Variants in ARHGAP11A observed in about 807,000 individuals in gnomAD.
The protein encoded by ARHGAP11A is rho GTPase-activating protein 11A.
A neutral mutation model predicts 60.5 loss-of-function variants in ARHGAP11A; 36 were observed. The observed-to-expected ratio is 0.59, with a 90% CI of 0.46 to 0.79. The LOEUF (loss-of-function observed/expected upper bound fraction) is 0.79, where lower values mean the gene tolerates loss of function less well. Ranked by LOEUF, ARHGAP11A falls within the 30% of genes least tolerant of loss-of-function variation. ARHGAP11A has a pLI of 0.00. For missense variants in ARHGAP11A, 1,071 were observed against 1,199.2 expected, an observed-to-expected ratio of 0.89 and a Z score of 1.58; for synonymous variants, 362 against 415.5, an observed-to-expected ratio of 0.87 and a Z score of 1.57.
intron 1 of ARHGAP11A, among the ~76,000 whole-genome samples, chr15:32,618,531 TATTTA>T (rs1268577726): frequency 6.6e-6 from 1 of 152,268 alleles, no homozygotes; most frequent in Non-Finnish European, 1.5e-5. Flanking sequence ...TGTTTTAATT[TATTTA>T]ATTCTTCCTA....
Position 32,633,009 on chromosome 15 carries a change from CT to C in ARHGAP11A, c.1137del (p.Gln380ArgfsTer14), listed in dbSNP as rs2053619219. On this transcript the variant is annotated frameshift_variant, in exon 9 of 12. Coordinates refer to ENST00000361627, the MANE Select transcript of ARHGAP11A (RefSeq NM_014783.6). LOFTEE classifies it high-confidence loss of function. ...ATCGATACAAGCTCAGAAGGGTCAT[CT>C]CAGAGTTCACTCTCTCCTGTACTCA... is the stretch of plus-strand genomic sequence containing the variant. ...VHIDTSSEGS[S>X]QSSLSPVLIG... The C allele has an allele frequency of 6.2e-7, 1 of 1,613,912 alleles. No homozygotes were observed. The highest frequency in any genetic ancestry group is 8.5e-7 in the Non-Finnish European group (1 of 1,179,838).
chr15:32,635,774 C>G lies in ARHGAP11A; in HGVS notation c.1345-3C>G. The G allele has an allele frequency of 6.4e-7, 1 of 1,565,448 alleles. No individual in the cohort carries two copies. The highest frequency in any genetic ancestry group is 8.6e-7 in the Non-Finnish European group (1 of 1,159,248). ...TAACTAAAACTTTTTTTTTTCTGTA[C>G]AGAATGGATGTTCTGGTGTCAATAG... On this transcript the variant is annotated splice_region_variant and splice_polypyrimidine_tract_variant and intron_variant, in intron 10 of 11. Coordinates refer to ENST00000361627, the MANE Select transcript of ARHGAP11A (RefSeq NM_014783.6).
At position 32,638,359 on chromosome 15, in the gene ARHGAP11A, C is replaced by T. The variant is rs1408971675; in HGVS notation, c.*514C>T. On this transcript the variant is annotated 3_prime_UTR_variant, in exon 12 of 12. Transcript: ENST00000361627. ...GTGCTGGGATTACAGGCATGAGCCA[C>T]CACGCCCGGCTAGACTTTACCTTTC... 6.6e-6 allele frequency: 1 copy of T among 152,424 alleles called. No individual in the cohort carries two copies. The highest frequency in any genetic ancestry group is 6.5e-5 in the Admixed American group (1 of 15,292). 9.4% of individuals were successfully genotyped at this position (152,424 alleles called of 1,614,324 possible).
chr15:32,634,138 G>A (rs1218830401), intron 10 of ARHGAP11A, 97 bp downstream of exon 10: 1 of 764,970 alleles, frequency 1.3e-6, no homozygotes, highest in Non-Finnish European at 2.0e-6. Context: ...TCCAGTGACT[G>A]TCTCATTCTG....
intron 9 of ARHGAP11A, 137 bp downstream of exon 9, chr15:32,633,245 T>G: frequency 2.1e-6 from 2 of 957,748 alleles, no homozygotes; most frequent in Non-Finnish European, 3.0e-6. Context: ...TATAGTCTTA[T>G]TAATCAATTG....
intron 2 of ARHGAP11A, among the ~76,000 whole-genome samples, chr15:32,621,909 A>C (rs1434834194): frequency 6.6e-6 from 1 of 152,310 alleles, no homozygotes; most frequent in Non-Finnish European, 1.5e-5. Context: ...CCCTCCATCT[A>C]AAGTAGGGTT....
rs201625863 is a variant in ARHGAP11A at position 32,637,282 on chromosome 15, C to T, written c.2509C>T (p.Pro837Ser). The T allele has an allele frequency of 5.6e-5, 91 of 1,614,198 alleles. No homozygotes were observed. The Middle Eastern group carries it at 1.5e-3, about 26-fold the overall frequency. Residue 837 changes from proline to serine, a missense_variant, in exon 12 of 12, where the codon CCT becomes TCT. Transcript: ENST00000361627. ...VKSPLKFQRT[P>S]VRQSVRRINS... is the part of the protein sequence containing the mutation. ...GTCACCTCTTAAGTTTCAGCGTACTCCTGTTCGTCAGTCCGTCAGAAGAAT... is the reference window on the plus strand; with the variant it reads ...GTCACCTCTTAAGTTTCAGCGTACTTCTGTTCGTCAGTCCGTCAGAAGAAT...
chr15:32,628,418 C>G (rs1337715271), intron 6 of ARHGAP11A, among the ~76,000 whole-genome samples: 5 of 152,086 alleles, frequency 3.3e-5, no homozygotes, highest in Admixed American at 6.5e-5. Flanking sequence ...CAGTTCAGAC[C>G]TTCATCTTTT....
chr15:32,635,192 G>C (rs1287508425), intron 10 of ARHGAP11A, among the ~76,000 whole-genome samples: 1 of 152,072 alleles, frequency 6.6e-6, no homozygotes, highest in Non-Finnish European at 1.5e-5. Context: ...AGACTGCACT[G>C]GCATTCTGCT....
intron 8 of ARHGAP11A, among the ~76,000 whole-genome samples, chr15:32,630,015 GTAGT>G (rs940129909): frequency 1.9e-4 from 23 of 118,924 alleles, no homozygotes; most frequent in Non-Finnish European, 3.2e-4. Flanking sequence ...ACCCAGAGTA[GTAGT>G]TTGGGCTTCT....
In ARHGAP11A at chr15:32,615,565, C is replaced by G. The variant is rs1427382001; in HGVS notation, c.-647C>G. 1.3e-5 allele frequency: 2 copies of G among 152,718 alleles called. No homozygotes were observed. Among genetic ancestry groups the G allele is most frequent in the East Asian group, 1.9e-4 (1 of 5,186 alleles). 9.5% of individuals were successfully genotyped at this position (152,718 alleles called of 1,614,324 possible). ...GCTGGGGGCGGAAGCATGAGGCTAA[C>G]GGCTTGGCTTCAGTGAACGCACCGG... On this transcript the variant is annotated 5_prime_UTR_variant, in exon 1 of 12. Coordinates refer to ENST00000361627, the MANE Select transcript of ARHGAP11A (RefSeq NM_014783.6).
chr15:32,635,807 A>G lies in ARHGAP11A; in HGVS notation c.1375A>G (p.Ser459Gly), dbSNP rs1436513444. 6 of 1,610,334 alleles carry G rather than the reference A, an allele frequency of 3.7e-6. No homozygotes were observed. The highest frequency in any genetic ancestry group is 1.1e-5 in the South Asian group (1 of 90,294). The change falls in exon 11 of 12, where the codon AGT becomes GGT. Residue 459 changes from serine (S) to glycine (G), a missense_variant. By Grantham distance (56) the Ser-to-Gly change is moderately conservative (BLOSUM62 0). Around this residue, in one of 4 missense-constraint regions of ARHGAP11A, gnomAD observed 776 missense variants for 760.2 expected, o/e 1.02. Coordinates refer to ENST00000361627, the MANE Select transcript of ARHGAP11A (RefSeq NM_014783.6). ...ATGTTCTGGTGTCAATAGATATGAA[A>G]GTGTTGGTTGGCGACTTGCAAATCA... ...NGCSGVNRYE[S>G]VGWRLANQQS... is the part of the protein sequence containing the mutation.
Position 32,637,047 on chromosome 15 carries a change from G to A in ARHGAP11A, c.2274G>A (p.Glu758=), listed in dbSNP as rs774965589. The A allele has an allele frequency of 1.2e-6, 2 of 1,613,956 alleles. No homozygotes were observed. Among genetic ancestry groups the A allele is most frequent in the South Asian group, 1.1e-5 (1 of 91,078 alleles). ...AGTGTGCAGCACATAGCAAGGACGAGGCTAGATCCTCTTTCTCACAGCAGA... is the reference window on the plus strand; with the variant it reads ...AGTGTGCAGCACATAGCAAGGACGAAGCTAGATCCTCTTTCTCACAGCAGA... ...LPKCAAHSKD[E]ARSSFSQQST... is the part of the protein sequence containing the mutation. Residue 758 remains glutamate, a synonymous_variant, in exon 12 of 12, where the codon GAG becomes GAA. Transcript: ENST00000361627.
chr15:32,619,799 A>G (rs2053251539), intron 1 of ARHGAP11A, among the ~76,000 whole-genome samples: 1 of 152,116 alleles, frequency 6.6e-6, no homozygotes, highest in Non-Finnish European at 1.5e-5. Flanking sequence ...TTCTGTTTTA[A>G]GAATTTACTG....
At position 32,625,554 on chromosome 15, in the gene ARHGAP11A, T is replaced by G; in HGVS notation, c.783T>G (p.Thr261=). 6.2e-7 allele frequency: 1 copy of G among 1,613,688 alleles called. No individual in the cohort carries two copies. ...AMLGIDGLCA[T]PSLEGFEEGE... is the part of the protein sequence containing the mutation. ...TGGGTATTGATGGTCTCTGTGCTAC[T>G]CCATCACTGGAAGGCTTTGAAGAAG... Residue 261 remains threonine, a synonymous_variant, in exon 6 of 12, where the codon ACT becomes ACG. Transcript: ENST00000361627.
chr15:32,636,134 T>C, intron 11 of ARHGAP11A, 123 bp from the exon 12 acceptor site: 3 of 1,416,396 alleles, frequency 2.1e-6, no homozygotes, highest in East Asian at 5.2e-5. Flanking sequence ...TTAAAAATTA[T>C]TTCTTGTAAC....
chr15:32,637,546 T>G lies in ARHGAP11A; in HGVS notation c.2773T>G (p.Ser925Ala). Residue 925 changes from serine (S) to alanine (A), a missense_variant, in exon 12 of 12, where the codon TCG (serine) becomes GCG (alanine). Transcript: ENST00000361627. ...AISKSSMELPSKSFLKMRKHP... is the reference protein window; with the variant it reads ...AISKSSMELPAKSFLKMRKHP... ...TTCAAAGTCAAGCATGGAGTTACCCTCGAAATCTTTCTTAAAGATGAGGAA... is the reference window on the plus strand; with the variant it reads ...TTCAAAGTCAAGCATGGAGTTACCCGCGAAATCTTTCTTAAAGATGAGGAA... 6.2e-7 allele frequency: 1 copy of G among 1,614,144 alleles called. No individual in the cohort carries two copies. The highest frequency in any genetic ancestry group is 8.5e-7 in the Non-Finnish European group (1 of 1,180,034).
At chr15:32,632,615 G>T (rs1256798489) in intron 8 of ARHGAP11A, among the ~76,000 whole-genome samples, 1 of 152,080 alleles carries the variant, frequency 6.6e-6, no homozygotes, top group Admixed American at 6.5e-5. Flanking sequence ...TCCGTTTTCA[G>T]AGCCTAAAGC....
rs1202722936 is a variant in ARHGAP11A at position 32,623,487 on chromosome 15, T to C, written c.201-5T>C. On this transcript the variant is annotated splice_region_variant and splice_polypyrimidine_tract_variant and intron_variant, in intron 2 of 11. Coordinates refer to ENST00000361627, the MANE Select transcript of ARHGAP11A (RefSeq NM_014783.6). Reference sequence around the variant, plus strand: ...TCTAGCCACCTGAAAAAATCTCTCTTTCAGCTTTCTTGTCGATGCTTGCAC... The same window carrying C: ...TCTAGCCACCTGAAAAAATCTCTCTCTCAGCTTTCTTGTCGATGCTTGCAC... 1.2e-6 allele frequency: 2 copies of C among 1,610,236 alleles called. No homozygotes were observed. The highest frequency in any genetic ancestry group is 2.2e-5 in the South Asian group (2 of 89,900).
Sources: gnomAD v4.1 joint callset for allele counts (sites outside exome capture counted in the v4.1 genomes callset) on GRCh38, gnomAD v4.1.1 for gene constraint, gnomAD v4.1.1 regional missense constraint, MANE v1.5 for transcripts, NCBI Gene and HGNC (gene_info 2026-07-23, HGNC 2026-07-21) for gene names.